The following ISLR2 variants were observed in gnomAD, a reference collection of about 807,000 sequenced individuals.
ISLR2 encodes immunoglobulin superfamily containing leucine rich repeat 2, also known as immunoglobulin superfamily containing leucine-rich repeat protein 2.
ISLR2 carries 16 observed loss-of-function variants against 25.5 expected under a neutral mutation model. That is an observed-to-expected ratio of 0.63 (90% CI 0.43 to 0.95). ISLR2 has a LOEUF of 0.95. ISLR2 is among the 40% of genes least tolerant of loss of function. The pLI is 0.00. For missense variants in ISLR2, 883 were observed against 1,030.7 expected, an observed-to-expected ratio of 0.86 and a Z score of 1.96; for synonymous variants, 508 against 486.6, an observed-to-expected ratio of 1.04 and a Z score of -0.58.
At chr15:74,118,898 C>G (rs893339768) in intron 2 of ISLR2, among the ~76,000 whole-genome samples, 31 of 152,042 alleles carry the variant, frequency 2.0e-4, no homozygotes, top group African/African-American at 7.2e-4. Context: ...ACCTCGTGAT[C>G]CATCCACCTC....
chr15:74,124,806 C>T (rs556693905), upstream of ISLR2, among the ~76,000 whole-genome samples: 17 of 152,244 alleles, frequency 1.1e-4, no homozygotes, highest in African/African-American at 3.9e-4. Context: ...TCCTTGGTGG[C>T]TCCGGAAGCC....
chr15:74,119,863 A>G (rs2072239005), intron 2 of ISLR2, among the ~76,000 whole-genome samples: 1 of 152,230 alleles, frequency 6.6e-6, no homozygotes, highest in Non-Finnish European at 1.5e-5. Flanking sequence ...ACTGAAGTGC[A>G]GAGAGGTGAA....
downstream of ISLR2, among the ~76,000 whole-genome samples, chr15:74,141,676 T>C (rs537242366): frequency 6.6e-6 from 1 of 152,314 alleles, no homozygotes; most frequent in South Asian, 2.1e-4. Context: ...GAGGTAATAT[T>C]ATTATTCTAA....
Position 74,132,687 on chromosome 15 carries a change from G to T in ISLR2, c.-8-60G>T. 6.5e-7 allele frequency: 1 copy of T among 1,547,688 alleles called. No individual in the cohort carries two copies. On this transcript the variant is annotated intron_variant, in intron 2 of 2. Transcript: ENST00000453268. The surrounding 1 kb of genome is among the most constrained non-coding windows in gnomAD (Gnocchi z 4.3). The stretch of plus-strand genomic sequence containing the variant: ...CTTGCGGAGGCACAGCTTGATAGGG[G>T]AGGTAAGCTGGGGTTCAGTGAGTCA...
intron 2 of ISLR2, among the ~76,000 whole-genome samples, chr15:74,110,721 C>A (rs975058012): frequency 7.9e-5 from 12 of 151,582 alleles, no homozygotes; most frequent in African/African-American, 2.9e-4. Context: ...CTTTAGGATC[C>A]TGAGGTAGGC....
At chr15:74,139,656 C>T (rs751928802), downstream of ISLR2, among the ~76,000 whole-genome samples, 4 of 152,200 alleles carry the variant, frequency 2.6e-5, no homozygotes, top group Non-Finnish European at 5.9e-5. Flanking sequence ...CTGCCACTGG[C>T]AAGTTCTCTG....
intron 2 of ISLR2, among the ~76,000 whole-genome samples, chr15:74,113,377 T>C (rs2072185506): frequency 1.3e-5 from 2 of 152,192 alleles, no homozygotes; most frequent in Non-Finnish European, 2.9e-5. Context: ...TCTCAAAGTC[T>C]TGAGCTCAAG....
intron 2 of ISLR2, chr15:74,103,941 A>G (rs1438986261): frequency 6.6e-6 from 1 of 152,064 alleles, no homozygotes. Flanking sequence ...CTCCCCGGCC[A>G]TGCAGAACTG....
intron 2 of ISLR2, among the ~76,000 whole-genome samples, chr15:74,116,299 G>T (rs1343973944): frequency 6.6e-6 from 1 of 150,914 alleles, no homozygotes; most frequent in Non-Finnish European, 1.5e-5. Context: ...GGTGGCTCAC[G>T]CCTGTAATCA....
At chr15:74,109,942 A>G (rs1461549698) in intron 2 of ISLR2, among the ~76,000 whole-genome samples, 1 of 152,110 alleles carries the variant, frequency 6.6e-6, no homozygotes, top group Non-Finnish European at 1.5e-5. Context: ...CCATAGACGC[A>G]TGCCACCACG....
intron 2 of ISLR2, among the ~76,000 whole-genome samples, chr15:74,122,332 T>C (rs2072259553): frequency 6.6e-6 from 1 of 152,060 alleles, no homozygotes; most frequent in Non-Finnish European, 1.5e-5. Context: ...CTTCACAGAG[T>C]CTTTCCAGGC....
Position 74,132,827 on chromosome 15 carries a change from G to C in ISLR2, c.73G>C (p.Ala25Pro). ...GGCCGGATCATGCCCGGAGCCGTGC[G>C]CCTGCGTGGACAAGTACGCTCACCA... ...GVAGSCPEPC[A>P]CVDKYAHQFA... The change falls in exon 3 of 3, where the codon GCC (alanine) becomes CCC (proline). Residue 25 changes from alanine (A) to proline (P), a missense_variant. By Grantham distance (27) the Ala-to-Pro change is conservative (BLOSUM62 -1). Coordinates refer to ENST00000453268, the MANE Select transcript of ISLR2 (RefSeq NM_020851.3). The surrounding 1 kb of genome is among the most constrained non-coding windows in gnomAD (Gnocchi z 4.3). 2 of 1,614,104 alleles carry C rather than the reference G, an allele frequency of 1.2e-6. No individual in the cohort carries two copies. Among genetic ancestry groups the C allele is most frequent in the Non-Finnish European group, 1.7e-6 (2 of 1,179,950 alleles).
chr15:74,105,892 T>C (rs1595935563), intron 2 of ISLR2, among the ~76,000 whole-genome samples: 1 of 152,092 alleles, frequency 6.6e-6, no homozygotes, highest in Admixed American at 6.5e-5. Flanking sequence ...TGTGTAAGAA[T>C]AGCCACATAC....
rs1249848413 is a variant in ISLR2, at chr15:74,136,565, G to T, written c.*1573G>T. On this transcript the variant is annotated 3_prime_UTR_variant, in exon 3 of 3. Coordinates refer to ENST00000453268, the MANE Select transcript of ISLR2 (RefSeq NM_020851.3). ...GTGTAGTGTAGGGGGGCGGGCGGGG[G>T]GGCGGATGGGCGGGGAGGGAGGGAA... The T allele has an allele frequency of 1.3e-5, 2 of 156,060 alleles. No homozygotes were observed. Among genetic ancestry groups the T allele is most frequent in the African/African-American group, 2.4e-5 (1 of 41,214 alleles). The allele number at this position is 156,060 out of a possible 1,614,324, so 9.7% of individuals were successfully genotyped here. A position where few individuals can be genotyped will look rare whatever the true frequency, so the allele number is the denominator to read the frequency against.
intron 2 of ISLR2, among the ~76,000 whole-genome samples, chr15:74,105,565 T>C (rs2072113301): frequency 7.8e-6 from 1 of 127,928 alleles, no homozygotes; most frequent in East Asian, 2.3e-4. Context: ...TCCACCTCAC[T>C]TCATCTCAGT....
intron 2 of ISLR2, among the ~76,000 whole-genome samples, chr15:74,116,054 A>G (rs2141933257): frequency 6.6e-6 from 1 of 151,982 alleles, no homozygotes; most frequent in South Asian, 2.1e-4. Context: ...AAAATTAGCC[A>G]GGCATGGTGG....
chr15:74,123,287 G>A (rs552519289), upstream of ISLR2, among the ~76,000 whole-genome samples: 76 of 152,154 alleles, frequency 5.0e-4, no homozygotes, highest in Non-Finnish European at 7.4e-4. Flanking sequence ...ATTGCCAAGG[G>A]CCATGAGGAA....
At position 74,133,088 on chromosome 15, in the gene ISLR2, T is replaced by C; in HGVS notation, c.334T>C (p.Ser112Pro). The C allele has an allele frequency of 6.2e-7, 1 of 1,612,864 alleles. No individual in the cohort carries two copies. The highest frequency in any genetic ancestry group is 8.5e-7 in the Non-Finnish European group (1 of 1,179,968). The change falls in exon 3 of 3, where the codon TCC becomes CCC. Residue 112 changes from serine (S) to proline (P), a missense_variant. This residue lies in a region of ISLR2 where 271 missense variants were observed against 387.9 expected (regional missense o/e 0.70). Transcript: ENST00000453268. ...KNLDLSHNFI[S>P]SFPWSDLRNL... ...CCTCGATCTGAGCCACAACTTCATA[T>C]CCAGCTTTCCGTGGAGCGACCTGCG...
At chr15:74,124,085 T>A (rs1259853769), upstream of ISLR2, among the ~76,000 whole-genome samples, 1 of 151,562 alleles carries the variant, frequency 6.6e-6, no homozygotes, top group Non-Finnish European at 1.5e-5. Flanking sequence ...TCACACACAC[T>A]GCCCTGACCC....
Sources: gnomAD v4.1 joint callset for allele counts (sites outside exome capture counted in the v4.1 genomes callset) on GRCh38, gnomAD v4.1.1 for gene constraint, gnomAD v4.1.1 regional missense constraint, Gnocchi (gnomAD v3.1) non-coding constraint, MANE v1.5 for transcripts, NCBI Gene and HGNC (gene_info 2026-07-23, HGNC 2026-07-21) for gene names.